UGGT2: variants seen among roughly 807,000 people sequenced by gnomAD.
UGGT2 encodes UDP-glucose glycoprotein glucosyltransferase 2, also known as UDP-glucose:glycoprotein glucosyltransferase 2.
A neutral mutation model predicts 192.1 loss-of-function variants in UGGT2; 180 were observed. That is an observed-to-expected ratio of 0.94 (90% CI 0.83 to 1.06). The LOEUF (loss-of-function observed/expected upper bound fraction) is 1.06. Among genes scored for constraint, UGGT2 ranks in the 50% least tolerant of loss-of-function variants. The pLI, the probability that UGGT2 is intolerant of heterozygous loss-of-function variation, is 0.00. For missense variants in UGGT2, 1,849 were observed against 1,795.7 expected (o/e 1.03, Z -0.54); for synonymous variants, 580 against 591.0 (o/e 0.98, Z 0.27).
In UGGT2 at chr13:95,996,072, C is replaced by G; in HGVS notation, c.821G>C (p.Gly274Ala). Residue 274 changes from glycine to alanine, a missense_variant, in exon 7 of 39, where the codon GGG becomes GCG. Gly to Ala is a moderately conservative substitution (Grantham distance 60). Coordinates refer to ENST00000376747, the MANE Select transcript of UGGT2 (RefSeq NM_020121.4). ...ETNEVQGFLF[G>A]KLKEIYSDLR... ...TTCCATTCAGACTTACTTTAGTTTC[C>G]CAAAGAGAAATCCTTGAACTTCATT... 1 of 1,613,166 alleles carries G rather than the reference C, an allele frequency of 6.2e-7. No homozygotes were observed. The highest frequency in any genetic ancestry group is 8.5e-7 in the Non-Finnish European group (1 of 1,179,536).
intron 1 of UGGT2, among the ~76,000 whole-genome samples, chr13:96,036,337 A>T (rs1322857952): frequency 2.0e-5 from 3 of 152,150 alleles, no homozygotes; most frequent in Non-Finnish European, 2.9e-5. Context: ...TTCACTTACA[A>T]GTGGGAGCTG....
chr13:96,029,059 G>C (rs1302629844), intron 2 of UGGT2, among the ~76,000 whole-genome samples: 3 of 152,050 alleles, frequency 2.0e-5, no homozygotes, highest in Non-Finnish European at 4.4e-5. Context: ...GCTTAGGTGG[G>C]AGAATGGTGT....
intron 8 of UGGT2, 74 bp from the exon 9 acceptor site, chr13:95,986,506 A>T: frequency 9.3e-7 from 1 of 1,081,054 alleles, no homozygotes; most frequent in South Asian, 1.5e-5. Context: ...AAATTGAAAT[A>T]CTTGACTCAA....
intron 17 of UGGT2, among the ~76,000 whole-genome samples, chr13:95,929,013 C>G (rs774155670): frequency 1.3e-5 from 2 of 152,126 alleles, no homozygotes; most frequent in East Asian, 1.9e-4. Flanking sequence ...GCCAACACAG[C>G]GAAACCCCGT....
chr13:95,888,004 A>AT, intron 25 of UGGT2, 33 bp from the exon 26 acceptor site: 2 of 1,339,474 alleles, frequency 1.5e-6, no homozygotes, highest in East Asian at 2.3e-5. Context: ...TTTGATATTA[A>AT]ATAATATTAA....
At chr13:96,010,348 C>T (rs1237786486) in intron 5 of UGGT2, among the ~76,000 whole-genome samples, 1 of 152,152 alleles carries the variant, frequency 6.6e-6, no homozygotes, top group Non-Finnish European at 1.5e-5. Flanking sequence ...ATAGGTGCAG[C>T]AAACCACCAT....
intron 38 of UGGT2, among the ~76,000 whole-genome samples, chr13:95,831,325 T>C (rs73556766): frequency 0.022 from 3,286 of 152,202 alleles, 122 homozygotes; most frequent in African/African-American, 0.075. Context: ...CTTACTTATA[T>C]ACATATCTAT....
rs192281311 is a variant in UGGT2, at chr13:96,040,942, G to C, written c.159-8971C>G. Among the ~76,000 whole-genome samples, 686 of 152,260 alleles carry C rather than the reference G, an allele frequency of 4.5e-3. 6 individuals are homozygous for C. The highest frequency in any genetic ancestry group is 7.1e-3 in the Non-Finnish European group (480 of 68,018). On this transcript the variant is annotated intron_variant, in intron 1 of 38. Transcript: ENST00000376747. ...GATCTAGGCAAACAGTTAAATACTG[G>C]GGAAAGGATAAAGGAAGGGGATCAA... is the stretch of plus-strand genomic sequence containing the variant.
Position 95,827,840 on chromosome 13 carries a change from T to C in UGGT2, c.4528+5087A>G, listed in dbSNP as rs548633384. Among the ~76,000 whole-genome samples, 17 of 152,294 alleles carry C rather than the reference T, an allele frequency of 1.1e-4. No individual in the cohort carries two copies. In the South Asian group the frequency reaches 3.5e-3, roughly 32 times the overall value. On this transcript the variant is annotated intron_variant, in intron 38 of 38. Transcript: ENST00000376747. ...GATGGGATTTCTGACATCAGAATCA[T>C]AAGGCTTTTAAGAATTGCCTAAGCA...
chr13:95,888,453 T>C (rs544283805), intron 25 of UGGT2, among the ~76,000 whole-genome samples: 2 of 152,294 alleles, frequency 1.3e-5, no homozygotes, highest in South Asian at 4.1e-4. Context: ...CTAATTTTGA[T>C]AGTCCCCATC....
intron 5 of UGGT2, among the ~76,000 whole-genome samples, chr13:96,007,831 T>C (rs1040351983): frequency 2.0e-5 from 3 of 152,100 alleles, no homozygotes; most frequent in Non-Finnish European, 4.4e-5. Flanking sequence ...ATGGAAGAAT[T>C]CATATTCAGA....
At chr13:96,017,370 G>C (rs1345739328) in intron 4 of UGGT2, among the ~76,000 whole-genome samples, 1 of 152,140 alleles carries the variant, frequency 6.6e-6, no homozygotes, top group Non-Finnish European at 1.5e-5. Flanking sequence ...TTACTCTCTT[G>C]CTCATGCTCT....
At chr13:95,859,536 C>G in intron 33 of UGGT2, 55 bp downstream of exon 33, 1 of 1,327,598 alleles carries the variant, frequency 7.5e-7, no homozygotes, top group South Asian at 1.3e-5. Flanking sequence ...TACAATGATA[C>G]AAATAATTTA....
intron 20 of UGGT2, among the ~76,000 whole-genome samples, chr13:95,918,926 A>T (rs990364476): frequency 5.3e-5 from 8 of 152,146 alleles, no homozygotes; most frequent in Admixed American, 2.0e-4. Flanking sequence ...AAAAAAGGAA[A>T]ACTTCATGTC....
chr13:95,983,942 T>C, intron 9 of UGGT2, 78 bp from the exon 10 acceptor site: 1 of 928,158 alleles, frequency 1.1e-6, no homozygotes, highest in Non-Finnish European at 1.5e-6. Flanking sequence ...TGTAATCTAA[T>C]ACTTTGGATA....
chr13:95,992,326 T>C (rs967584699), intron 7 of UGGT2, among the ~76,000 whole-genome samples: 3 of 152,216 alleles, frequency 2.0e-5, no homozygotes, highest in Non-Finnish European at 2.9e-5. Context: ...TCCATGAGCA[T>C]GGAATGTTTT....
chr13:95,975,977 T>G (rs898001760), intron 10 of UGGT2, among the ~76,000 whole-genome samples: 1 of 152,108 alleles, frequency 6.6e-6, no homozygotes, highest in African/African-American at 2.4e-5. Context: ...ACATTCCAAA[T>G]CCACTCTTCC....
chr13:95,815,056 G>A (rs1032249691), intron 38 of UGGT2, among the ~76,000 whole-genome samples: 5 of 152,070 alleles, frequency 3.3e-5, no homozygotes, highest in South Asian at 4.2e-4. Context: ...AGTAAACTAG[G>A]AATAAAAGGA....
chr13:95,959,584 G>T (rs1424433724), intron 12 of UGGT2, among the ~76,000 whole-genome samples: 1 of 152,140 alleles, frequency 6.6e-6, no homozygotes, highest in Non-Finnish European at 1.5e-5. Context: ...ACACCTCCCA[G>T]TGTCATGCCC....
Sources: gnomAD v4.1 joint callset for allele counts (sites outside exome capture counted in the v4.1 genomes callset) on GRCh38, gnomAD v4.1.1 for gene constraint, MANE v1.5 for transcripts, NCBI Gene and HGNC (gene_info 2026-07-23, HGNC 2026-07-21) for gene names.